The following PPP2R5E variants were observed in gnomAD, a reference collection of about 807,000 sequenced individuals.
PPP2R5E encodes the protein serine/threonine-protein phosphatase 2A 56 kDa regulatory subunit epsilon isoform.
In PPP2R5E, 4 loss-of-function variants were observed where a neutral mutation model predicts 65.3. The ratio of observed to expected loss-of-function variants is 0.06; its 90% confidence interval spans 0.03 to 0.14. The LOEUF is 0.14. Ranked by LOEUF, PPP2R5E falls within the 10% of genes least tolerant of loss-of-function variation. PPP2R5E has a pLI of 1.00. For missense variants in PPP2R5E, 274 were observed against 556.1 expected (o/e 0.49, Z 5.10); for synonymous variants, 183 against 187.4 (o/e 0.98, Z 0.19).
chr14:63,400,105 T>C (rs1013639388), intron 5 of PPP2R5E, among the ~76,000 whole-genome samples: 2 of 152,162 alleles, frequency 1.3e-5, no homozygotes, highest in Non-Finnish European at 2.9e-5. Context: ...CCACCATCCA[T>C]CTATCATTCA....
chr14:63,391,789 T>C (rs1287475389), intron 10 of PPP2R5E, 28 bp downstream of exon 10: 2 of 1,605,776 alleles, frequency 1.2e-6, no homozygotes, highest in Admixed American at 1.7e-5. Context: ...CAGTAAGCTA[T>C]GAACACTCTC....
At chr14:63,445,349 A>G (rs1463733647) in intron 3 of PPP2R5E, among the ~76,000 whole-genome samples, 1 of 152,260 alleles carries the variant, frequency 6.6e-6, no homozygotes, top group Non-Finnish European at 1.5e-5. Context: ...TAAAGTGCAC[A>G]ATAGCTTTAT....
At chr14:63,537,682 A>G (rs1388650988) in intron 2 of PPP2R5E, among the ~76,000 whole-genome samples, 2 of 152,168 alleles carry the variant, frequency 1.3e-5, no homozygotes. Flanking sequence ...AGTTTTTCTT[A>G]TAATACCTTC....
At chr14:63,470,565 A>G (rs1038051155) in intron 2 of PPP2R5E, among the ~76,000 whole-genome samples, 2 of 152,044 alleles carry the variant, frequency 1.3e-5, no homozygotes, top group Non-Finnish European at 2.9e-5. Context: ...TATTTATATT[A>G]TTAAAAAATA....
At position 63,466,714 on chromosome 14, in the gene PPP2R5E, T is replaced by C. The variant is rs1387034248; in HGVS notation, c.158-12829A>G. On this transcript the variant is annotated intron_variant, in intron 2 of 13. Coordinates refer to ENST00000337537, the MANE Select transcript of PPP2R5E (RefSeq NM_006246.5). ...GTATAAAAGCAGAATTATTCAAGCA[T>C]AAAACAATAAAGACGGAGAAACTTA... Among the ~76,000 whole-genome samples, 3 of 152,264 alleles carry C rather than the reference T, an allele frequency of 2.0e-5. No homozygotes were observed. In the East Asian group the frequency reaches 5.8e-4, roughly 29 times the overall value.
intron 2 of PPP2R5E, among the ~76,000 whole-genome samples, chr14:63,458,170 A>G (rs1889240042): frequency 6.6e-6 from 1 of 152,226 alleles, no homozygotes; most frequent in Non-Finnish European, 1.5e-5. Flanking sequence ...AGATTAAGAC[A>G]AAGATTCTCT....
rs530292810 is a variant in PPP2R5E, at chr14:63,372,919, T to G, written c.*3090A>C. On this transcript the variant is annotated 3_prime_UTR_variant, in exon 14 of 14. Transcript: ENST00000337537. ...CAGTGGCATCGAGGGTATTATTTAT[T>G]TCTTTTTTTTTCTTTTCTTTTATAA... The G allele has an allele frequency of 6.6e-6, 1 of 152,276 alleles. No homozygotes were observed. The highest frequency in any genetic ancestry group is 2.1e-4 in the South Asian group (1 of 4,828). The allele number at this position is 152,276 out of a possible 1,614,324, so 9.4% of individuals were successfully genotyped here.
At chr14:63,457,166 G>T (rs1192486761) in intron 2 of PPP2R5E, among the ~76,000 whole-genome samples, 1 of 152,106 alleles carries the variant, frequency 6.6e-6, no homozygotes, top group Non-Finnish European at 1.5e-5. Context: ...CATCTACCTA[G>T]TCCCAGGTGG....
chr14:63,375,903 G>C lies in PPP2R5E; in HGVS notation c.*106C>G. On this transcript the variant is annotated 3_prime_UTR_variant, in exon 14 of 14. Transcript: ENST00000337537. ...AGTGCTGCTGTAATAATGAAACAAA[G>C]GTGAAATCTACTGTAAAGTTGCACA... 1.3e-6 allele frequency: 1 copy of C among 783,330 alleles called. No individual in the cohort carries two copies. The highest frequency in any genetic ancestry group is 2.1e-6 in the Non-Finnish European group (1 of 476,208). The allele number at this position is 783,330 out of a possible 1,614,324, so 48.5% of individuals were successfully genotyped here. A position where few individuals can be genotyped will look rare whatever the true frequency, so the allele number is the denominator to read the frequency against.
At chr14:63,392,122 G>A in intron 8 of PPP2R5E, 97 bp from the exon 9 acceptor site, 1 of 810,204 alleles carries the variant, frequency 1.2e-6, no homozygotes, top group Non-Finnish European at 1.9e-6. Context: ...TTTCCAGACT[G>A]CTTTTAATAA....
intron 6 of PPP2R5E, 32 bp downstream of exon 6, chr14:63,396,554 T>C (rs2139802240): frequency 1.2e-6 from 2 of 1,606,524 alleles, no homozygotes; most frequent in Non-Finnish European, 8.5e-7. Context: ...CCAACTTTGC[T>C]TCTCCTTCTT....
intron 2 of PPP2R5E, among the ~76,000 whole-genome samples, chr14:63,485,577 G>A (rs896244773): frequency 9.2e-5 from 14 of 151,898 alleles, no homozygotes; most frequent in Non-Finnish European, 1.8e-4. Context: ...ACCACGTCCG[G>A]CTAATTTTGT....
At chr14:63,492,253 ATGC>A (rs1891319668) in intron 2 of PPP2R5E, among the ~76,000 whole-genome samples, 1 of 152,116 alleles carries the variant, frequency 6.6e-6, no homozygotes, top group Non-Finnish European at 1.5e-5. Context: ...AAAAATAATA[ATGC>A]TTTATTTTCT....
At chr14:63,407,769 G>GT in intron 5 of PPP2R5E, among the ~76,000 whole-genome samples, 1 of 152,268 alleles carries the variant, frequency 6.6e-6, no homozygotes, top group South Asian at 2.1e-4. Context: ...TGGTGTTGAG[G>GT]TCATAAGGGC....
intron 2 of PPP2R5E, among the ~76,000 whole-genome samples, chr14:63,480,502 G>A (rs953324381): frequency 6.6e-6 from 1 of 152,160 alleles, no homozygotes. Flanking sequence ...CTGAAGTGCA[G>A]TAGAGTGATC....
At chr14:63,436,246 A>G (rs1477828852) in intron 3 of PPP2R5E, among the ~76,000 whole-genome samples, 1 of 152,262 alleles carries the variant, frequency 6.6e-6, no homozygotes, top group African/African-American at 2.4e-5. Flanking sequence ...AACATCTGCT[A>G]TGAGGACTTC....
At chr14:63,522,847 C>T (rs1267017597) in intron 2 of PPP2R5E, among the ~76,000 whole-genome samples, 2 of 151,142 alleles carry the variant, frequency 1.3e-5, no homozygotes, top group Non-Finnish European at 3.0e-5. Context: ...CCGCCCCGTC[C>T]AGGAGGGAGG....
intron 2 of PPP2R5E, among the ~76,000 whole-genome samples, chr14:63,465,246 T>G (rs1197559013): frequency 6.6e-6 from 1 of 152,016 alleles, no homozygotes; most frequent in African/African-American, 2.4e-5. Context: ...AATACTTATA[T>G]TTGCTATTTC....
chr14:63,480,941 G>A (rs1320437367), intron 2 of PPP2R5E, among the ~76,000 whole-genome samples: 1 of 152,110 alleles, frequency 6.6e-6, no homozygotes, highest in African/African-American at 2.4e-5. Flanking sequence ...ACAAAGGGTC[G>A]GTTTGAGTGT....
Sources: gnomAD v4.1 joint callset for allele counts (sites outside exome capture counted in the v4.1 genomes callset) on GRCh38, gnomAD v4.1.1 for gene constraint, MANE v1.5 for transcripts, NCBI Gene and HGNC (gene_info 2026-07-23, HGNC 2026-07-21) for gene names.